The following BEST3 variants were observed in gnomAD, a reference collection of about 807,000 sequenced individuals.
BEST3 encodes bestrophin 3, also known as bestrophin-3.
A neutral mutation model predicts 47.1 loss-of-function variants in BEST3; 50 were observed. The observed-to-expected ratio is 1.06, with a 90% CI of 0.85 to 1.34. The LOEUF (loss-of-function observed/expected upper bound fraction) is 1.34, where lower values mean the gene tolerates loss of function less well. Among genes scored for constraint, BEST3 ranks in the 40% most tolerant of loss-of-function variants. The pLI, the probability that BEST3 is intolerant of heterozygous loss-of-function variation, is 0.00. For synonymous variants in BEST3, 282 were observed against 298.8 expected (o/e 0.94, Z 0.58); for missense variants, 765 against 817.0 (o/e 0.94, Z 0.78).
chr12:69,677,302 G>A (rs1884986538), intron 5 of BEST3, 45 bp from the exon 6 acceptor site: 2 of 1,511,930 alleles, frequency 1.3e-6, no homozygotes, highest in East Asian at 2.4e-5. Flanking sequence ...GATGACGGGT[G>A]TGGTAATAAG....
intron 9 of BEST3, among the ~76,000 whole-genome samples, chr12:69,646,103 A>AT (rs1452140647): frequency 1.3e-5 from 2 of 151,902 alleles, no homozygotes; most frequent in Non-Finnish European, 2.9e-5. Context: ...TGCTCAGCTA[A>AT]TTTTTTGTAT....
intron 7 of BEST3, 70 bp from the exon 8 acceptor site, chr12:69,673,035 T>A: frequency 8.5e-7 from 1 of 1,180,354 alleles, no homozygotes; most frequent in Non-Finnish European, 1.2e-6. Flanking sequence ...CTGAAGATGA[T>A]TCCTGTTTTC....
At chr12:69,686,352 G>C (rs1410069314) in intron 4 of BEST3, among the ~76,000 whole-genome samples, 1 of 152,156 alleles carries the variant, frequency 6.6e-6, no homozygotes, top group Admixed American at 6.6e-5. Context: ...ACGCAAATGT[G>C]GTTCTAACAG....
At position 69,655,641 on chromosome 12, in the gene BEST3, G is replaced by C. The variant is rs749600571; in HGVS notation, c.1273C>G (p.Pro425Ala). ...RQTSDSSMFLPRDDLSPARDL... is the reference protein window; with the variant it reads ...RQTSDSSMFLARDDLSPARDL... ...CTGGCTGGGCTGAGGTCATCTCGGG[G>C]TAAGAACATGGAGCTGTCACTTGTC... The change falls in exon 10 of 10, where the codon CCC becomes GCC. Residue 425 changes from proline to alanine, a missense_variant. Transcript: ENST00000330891. The C allele has an allele frequency of 4.3e-6, 7 of 1,614,078 alleles. No homozygotes were observed. The East Asian group carries it at 1.6e-4, about 36-fold the overall frequency.
chr12:69,646,828 T>C (rs903947016), intron 9 of BEST3, among the ~76,000 whole-genome samples: 2 of 152,232 alleles, frequency 1.3e-5, no homozygotes, highest in Non-Finnish European at 2.9e-5. Context: ...TAATCTTGGT[T>C]GTGCTTTTCC....
At chr12:69,647,858 G>C (rs1023150428) in intron 9 of BEST3, among the ~76,000 whole-genome samples, 7 of 151,870 alleles carry the variant, frequency 4.6e-5, no homozygotes, top group East Asian at 1.9e-4. Context: ...AACCAACAAG[G>C]GTCTATTATT....
intron 4 of BEST3, among the ~76,000 whole-genome samples, chr12:69,692,971 C>G (rs1179915740): frequency 6.6e-6 from 1 of 152,174 alleles, no homozygotes; most frequent in Non-Finnish European, 1.5e-5. Context: ...CCATGTTGGC[C>G]AGGCTTGTCT....
chr12:69,654,465 C>G lies in BEST3; in HGVS notation c.*442G>C, dbSNP rs1459579424. On this transcript the variant is annotated 3_prime_UTR_variant, in exon 10 of 10. Coordinates refer to ENST00000330891, the MANE Select transcript of BEST3 (RefSeq NM_032735.3). ...GGGGATCTTTCAGGCATTAGGTGAT[C>G]CATCTCCTTTCTTTATGGCTAAAGA... is the stretch of plus-strand genomic sequence containing the variant. 1.0e-6 allele frequency: 1 copy of G among 987,630 alleles called. No homozygotes were observed. The allele number at this position is 987,630 out of a possible 1,614,324, so 61.2% of individuals were successfully genotyped here.
At chr12:69,687,419 G>A (rs1885680471) in intron 4 of BEST3, 1 of 152,254 alleles carries the variant, frequency 6.6e-6, no homozygotes, top group African/African-American at 2.4e-5. Context: ...GATTGCTTGA[G>A]GCCAGGAGTT....
rs749597547 is a variant in BEST3 at position 69,693,729 on chromosome 12, C to G, written c.426G>C (p.Ser142=). ...VNLTSLLIFR[S]VSTAVYKRFP... Reference sequence around the variant, plus strand: ...ATCTTTTGTACACAGCAGTGCTCACCGAGCGAAAGATGAGCAGGGAGGTGA... The same window carrying G: ...ATCTTTTGTACACAGCAGTGCTCACGGAGCGAAAGATGAGCAGGGAGGTGA... The change falls in exon 4 of 10, where the codon TCG becomes TCC. Residue 142 remains serine (S), a synonymous_variant. Transcript: ENST00000330891. 2.5e-6 allele frequency: 4 copies of G among 1,614,022 alleles called. No individual in the cohort carries two copies. The African/African-American group carries it at 4.0e-5, about 16-fold the overall frequency.
In BEST3 at chr12:69,643,797, A is replaced by C. The variant is rs781743806; in HGVS notation, c.1101-10T>G. 5.6e-6 allele frequency: 4 copies of C among 710,118 alleles called. No homozygotes were observed. The East Asian group carries it at 1.1e-4, about 19-fold the overall frequency. The allele number at this position is 710,118 out of a possible 1,614,324, so 44.0% of individuals were successfully genotyped here. A position where few individuals can be genotyped will look rare whatever the true frequency, so the allele number is the denominator to read the frequency against. ...CTTAGGCATCTGTTTCCTGGGGAGA[A>C]GGGGAGAAGGGAGAATGGTCTTTTC... On this transcript the variant is annotated splice_polypyrimidine_tract_variant and intron_variant, in intron 9 of 9. Transcript: ENST00000331471.
chr12:69,695,444 G>A (rs1404521493), intron 2 of BEST3, among the ~76,000 whole-genome samples: 1 of 152,182 alleles, frequency 6.6e-6, no homozygotes, highest in Admixed American at 6.5e-5. Flanking sequence ...CAAAGAAGGT[G>A]TGTGGGGTAC....
In BEST3 at chr12:69,688,916, A is replaced by G. The variant is rs148765436; in HGVS notation, c.481+4758T>C. ...TATCGTGGGATCCAAATTTTTAGCAATATTGATTTTAACAATATGTAATGC... is the reference window on the plus strand; with the variant it reads ...TATCGTGGGATCCAAATTTTTAGCAGTATTGATTTTAACAATATGTAATGC... On this transcript the variant is annotated intron_variant, in intron 4 of 9. Transcript: ENST00000330891. 1.2e-3 allele frequency among the ~76,000 whole-genome samples: 184 copies of G among 152,286 alleles called. 1 individual carries two copies. Among genetic ancestry groups the G allele is most frequent in the Admixed American group, 3.6e-3 (55 of 15,300 alleles).
At position 69,693,730 on chromosome 12, in the gene BEST3, G is replaced by A. The variant is rs145121600; in HGVS notation, c.425C>T (p.Ser142Leu). Residue 142 changes from serine (S) to leucine (L), a missense_variant, in exon 4 of 10, where the codon TCG becomes TTG. Ser to Leu is a moderately radical substitution (Grantham distance 145). Coordinates refer to ENST00000330891, the MANE Select transcript of BEST3 (RefSeq NM_032735.3). Reference protein sequence around the residue: ...VNLTSLLIFRSVSTAVYKRFP... With the variant: ...VNLTSLLIFRLVSTAVYKRFP... Reference sequence around the variant, plus strand: ...TCTTTTGTACACAGCAGTGCTCACCGAGCGAAAGATGAGCAGGGAGGTGAG... The same window carrying A: ...TCTTTTGTACACAGCAGTGCTCACCAAGCGAAAGATGAGCAGGGAGGTGAG... 666 of 1,614,142 alleles carry A rather than the reference G, an allele frequency of 4.1e-4. 4 individuals are homozygous for A. The African/African-American group carries it at 7.8e-3, about 19-fold the overall frequency.
chr12:69,694,252 G>T, intron 3 of BEST3, 118 bp downstream of exon 3: 1 of 643,092 alleles, frequency 1.6e-6, no homozygotes, highest in Non-Finnish European at 2.6e-6. Flanking sequence ...TGGTTCTATT[G>T]CAAGCGGTGG....
chr12:69,653,110 GA>G (rs1883264402), downstream of BEST3, among the ~76,000 whole-genome samples: 1 of 152,228 alleles, frequency 6.6e-6, no homozygotes, highest in African/African-American at 2.4e-5. Context: ...GTGCTAATTT[GA>G]ACATTGCGTA....
rs751358554 is a variant in BEST3 at position 69,672,985 on chromosome 12, A to T, written c.868-20T>A. On this transcript the variant is annotated intron_variant, in intron 7 of 9. Transcript: ENST00000330891. ...TGCTACCTGTAGTTGAGAACATAAA[A>T]TAAATCCATCATGATACCTGTGAAA... The T allele has an allele frequency of 2.5e-6, 4 of 1,579,470 alleles. No homozygotes were observed. The highest frequency in any genetic ancestry group is 3.5e-6 in the Non-Finnish European group (4 of 1,155,474).
chr12:69,672,054 A>G (rs1323724428), intron 8 of BEST3, among the ~76,000 whole-genome samples: 1 of 152,156 alleles, frequency 6.6e-6, no homozygotes, highest in African/African-American at 2.4e-5. Context: ...GTTTGGAAAA[A>G]CATAACAAGA....
chr12:69,654,856 T>C lies in BEST3; in HGVS notation c.*51A>G, dbSNP rs967317441. ...ATGTCCTGGGCCTAATATGCTGCTT[T>C]TGGGGAGGTAAGAATCTAGGCTAGA... On this transcript the variant is annotated 3_prime_UTR_variant, in exon 10 of 10. Transcript: ENST00000330891. 1.4e-5 allele frequency: 22 copies of C among 1,559,702 alleles called. No homozygotes were observed. The African/African-American group carries it at 2.7e-4, about 19-fold the overall frequency.
Sources: allele counts gnomAD v4.1 joint callset (sites outside exome capture counted in the v4.1 genomes callset), GRCh38; gene constraint gnomAD v4.1.1; transcripts MANE v1.5; gene names NCBI Gene and HGNC (gene_info 2026-07-23, HGNC 2026-07-21).